The following PROS1 variants were observed in gnomAD, a reference collection of about 807,000 sequenced individuals.
PROS1 encodes the protein protein S.
Under a neutral mutation model 75.9 loss-of-function variants are expected in PROS1, and 29 were observed. That is an observed-to-expected ratio of 0.38 (90% CI 0.28 to 0.52). The LOEUF is 0.52. Ranked by LOEUF, PROS1 falls within the 20% of genes least tolerant of loss-of-function variation. The pLI is 0.83. For synonymous variants in PROS1, 245 were observed against 280.6 expected, an observed-to-expected ratio of 0.87 and a Z score of 1.27; for missense variants, 680 against 810.3, an observed-to-expected ratio of 0.84 and a Z score of 1.95.
At chr3:93,960,724 T>A (rs1709694024) in intron 1 of PROS1, among the ~76,000 whole-genome samples, 1 of 151,976 alleles carries the variant, frequency 6.6e-6, no homozygotes, top group African/African-American at 2.4e-5. Flanking sequence ...TGAGGATTAA[T>A]GTGTTATCAC....
intron 1 of PROS1, among the ~76,000 whole-genome samples, chr3:93,961,210 G>A (rs1424460369): frequency 6.6e-6 from 1 of 152,162 alleles, no homozygotes; most frequent in Non-Finnish European, 1.5e-5. Context: ...CCATAGGGGA[G>A]AAGGGACAGA....
chr3:93,936,892 A>G lies in PROS1; in HGVS notation c.77-9485T>C, dbSNP rs370420028. ...AAATGTTTAAAAATTTTAAGGAGTA[A>G]GAGAATTTTTAAAAACATGTTTTTT... On this transcript the variant is annotated intron_variant, in intron 1 of 14. Transcript: ENST00000394236. Among the ~76,000 whole-genome samples, 25 of 152,348 alleles carry G rather than the reference A, an allele frequency of 1.6e-4. 1 individual carries two copies. In the East Asian group the frequency reaches 4.2e-3, roughly 26 times the overall value.
chr3:93,926,779 T>C (rs1709025267), intron 2 of PROS1, among the ~76,000 whole-genome samples: 1 of 152,210 alleles, frequency 6.6e-6, no homozygotes, highest in African/African-American at 2.4e-5. Context: ...TCTAACACTA[T>C]CAAATTCTGG....
chr3:93,883,938 A>G (rs1187581139), intron 12 of PROS1, among the ~76,000 whole-genome samples: 2 of 152,216 alleles, frequency 1.3e-5, no homozygotes, highest in Non-Finnish European at 1.5e-5. Flanking sequence ...TGACAAAGTG[A>G]GACTCCATCT....
intron 1 of PROS1, among the ~76,000 whole-genome samples, chr3:93,949,042 C>T (rs573548948): frequency 6.6e-6 from 1 of 152,262 alleles, no homozygotes; most frequent in East Asian, 1.9e-4. Flanking sequence ...GTTTATCAGG[C>T]TCCAGGATTC....
chr3:93,901,050 C>A lies in PROS1; in HGVS notation c.602-121G>T, dbSNP rs138939312. 3.1e-4 allele frequency: 335 copies of A among 1,079,492 alleles called. 4 individuals are homozygous for A. In the East Asian group the frequency reaches 6.1e-3, roughly 20 times the overall value. The allele number at this position is 1,079,492 out of a possible 1,614,324, so 66.9% of individuals were successfully genotyped here. ...ATATGTAATGAGATAACAGATTGGC[C>A]TTTGGACCAAAAAACATTAAATCTA... On this transcript the variant is annotated intron_variant, in intron 6 of 14. Transcript: ENST00000394236.
rs1441873018 is a variant in PROS1 at position 93,943,639 on chromosome 3, C to T, written c.77-16232G>A. On this transcript the variant is annotated intron_variant, in intron 1 of 14. Transcript: ENST00000394236. ...AATTTTTGCTGCTCTAACACTTCAA[C>T]ATTAGTTTATGTTATTTTTCTTATT... Among the ~76,000 whole-genome samples the T allele has an allele frequency of 2.0e-5, 3 of 152,124 alleles. No homozygotes were observed. In the East Asian group the frequency reaches 5.8e-4, roughly 29 times the overall value.
chr3:93,906,664 G>T (rs1708680485), intron 4 of PROS1, among the ~76,000 whole-genome samples: 1 of 152,220 alleles, frequency 6.6e-6, no homozygotes, highest in East Asian at 1.9e-4. Flanking sequence ...AGAGTCCCCT[G>T]AGTGCAGCTG....
At chr3:93,948,483 G>A (rs1175477822) in intron 1 of PROS1, among the ~76,000 whole-genome samples, 3 of 152,138 alleles carry the variant, frequency 2.0e-5, no homozygotes, top group African/African-American at 7.2e-5. Context: ...CTGTCTCGCT[G>A]ATCTGTCTAA....
intron 1 of PROS1, among the ~76,000 whole-genome samples, chr3:93,944,450 A>T (rs1709347021): frequency 6.6e-6 from 1 of 152,200 alleles, no homozygotes; most frequent in South Asian, 2.1e-4. Context: ...ATTATAACAA[A>T]CTGTCTCTCA....
intron 1 of PROS1, among the ~76,000 whole-genome samples, chr3:93,969,372 G>T (rs1286467139): frequency 6.6e-6 from 1 of 152,114 alleles, no homozygotes; most frequent in African/African-American, 2.4e-5. Context: ...GGAAAGAAGG[G>T]CAAGTGTATT....
At chr3:93,948,084 GCTTA>G (rs1709434245) in intron 1 of PROS1, among the ~76,000 whole-genome samples, 1 of 152,160 alleles carries the variant, frequency 6.6e-6, no homozygotes, top group Non-Finnish European at 1.5e-5. Context: ...AGTTTACCCA[GCTTA>G]CTTAGGACTT....
chr3:93,940,455 G>A (rs1360351657), intron 1 of PROS1, among the ~76,000 whole-genome samples: 14 of 152,032 alleles, frequency 9.2e-5, no homozygotes, highest in African/African-American at 3.1e-4. Context: ...AACTGTTGTG[G>A]GTACTGACGT....
At chr3:93,894,769 C>A (rs1708477515) in intron 9 of PROS1, among the ~76,000 whole-genome samples, 1 of 152,156 alleles carries the variant, frequency 6.6e-6, no homozygotes, top group African/African-American at 2.4e-5. Context: ...ACTAGCTATT[C>A]TTTGTGTTGA....
intron 1 of PROS1, among the ~76,000 whole-genome samples, 160 bp from the exon 2 acceptor site, chr3:93,927,567 G>A (rs982014807): frequency 3.3e-5 from 5 of 152,144 alleles, no homozygotes; most frequent in African/African-American, 9.6e-5. Context: ...ACAGAAGCAC[G>A]TTGGTTAACA....
Position 93,874,335 on chromosome 3 carries a change from T to C in PROS1, c.1941A>G (p.Val647=), listed in dbSNP as rs1418372564. The C allele has an allele frequency of 7.4e-6, 12 of 1,613,370 alleles. No individual in the cohort carries two copies. Among genetic ancestry groups the C allele is most frequent in the Non-Finnish European group, 1.7e-6 (2 of 1,179,556 alleles). The change falls in exon 15 of 15, where the codon GTA becomes GTG. Residue 647 remains valine (V), a synonymous_variant. Transcript: ENST00000394236. ...AAATGGCTTCATCCAGATCCAACTG[T>C]ACACCATTAATATTCACTTCCATGC... is the stretch of plus-strand genomic sequence containing the variant. The part of the protein sequence containing the change: ...NGCMEVNING[V]QLDLDEAISK...
intron 3 of PROS1, among the ~76,000 whole-genome samples, chr3:93,917,476 C>T (rs1480709505): frequency 6.6e-6 from 1 of 152,206 alleles, no homozygotes; most frequent in Admixed American, 6.5e-5. Context: ...GCCCTCGCTG[C>T]TCTGGGCACC....
At chr3:93,897,387 G>A (rs534711987) in intron 8 of PROS1, among the ~76,000 whole-genome samples, 3 of 151,928 alleles carry the variant, frequency 2.0e-5, no homozygotes, top group Non-Finnish European at 4.4e-5. Context: ...GGAGAATTAC[G>A]TACATAGCAC....
intron 1 of PROS1, among the ~76,000 whole-genome samples, chr3:93,940,333 T>C (rs979148586): frequency 2.0e-5 from 3 of 152,134 alleles, no homozygotes; most frequent in Non-Finnish European, 2.9e-5. Flanking sequence ...CCATCACATA[T>C]GCTTTGGGTA....
Sources: gnomAD v4.1 joint callset for allele counts (sites outside exome capture counted in the v4.1 genomes callset) on GRCh38, gnomAD v4.1.1 for gene constraint, MANE v1.5 for transcripts, NCBI Gene and HGNC (gene_info 2026-07-23, HGNC 2026-07-21) for gene names.